Variants in LAMB1 observed in about 807,000 individuals in gnomAD.
LAMB1 encodes the protein laminin subunit beta-1.
In LAMB1, 121 loss-of-function variants were observed where a neutral mutation model predicts 222.3. The ratio of observed to expected loss-of-function variants is 0.54; its 90% confidence interval spans 0.47 to 0.63. The LOEUF is 0.63. LAMB1 is among the 30% of genes least tolerant of loss of function. LAMB1 has a pLI of 0.00. For missense variants in LAMB1, 2,172 were observed against 2,240.8 expected (o/e 0.97, Z 0.62); for synonymous variants, 794 against 807.2 (o/e 0.98, Z 0.28).
chr7:107,926,264 T>A lies in LAMB1; in HGVS notation c.4983A>T (p.Lys1661Asn). The A allele has an allele frequency of 6.2e-7, 1 of 1,614,042 alleles. No individual in the cohort carries two copies. Among genetic ancestry groups the A allele is most frequent in the Non-Finnish European group, 8.5e-7 (1 of 1,179,890 alleles). Residue 1661 changes from lysine (K) to asparagine (N), a missense_variant, in exon 32 of 34, where the codon AAA (lysine) becomes AAT (asparagine). By Grantham distance (94) the Lys-to-Asn change is moderately conservative (BLOSUM62 0). Transcript: ENST00000222399. The part of the protein sequence containing the change: ...LERNVEELKR[K>N]AAQNSGEAEY... ...CTGCCTCCCCGGAGTTTTGGGCAGCTTTCCGCTTAAGTTCTTCCACATTCC... is the reference window on the plus strand; with the variant it reads ...CTGCCTCCCCGGAGTTTTGGGCAGCATTCCGCTTAAGTTCTTCCACATTCC...
At chr7:107,976,394 AGGTAGGTC>A (rs1464588858) in intron 9 of LAMB1, among the ~76,000 whole-genome samples, 1 of 152,192 alleles carries the variant, frequency 6.6e-6, no homozygotes, top group Non-Finnish European at 1.5e-5. Context: ...ATAGTAAGGA[AGGTAGGTC>A]TGTTTAACAG....
chr7:107,977,154 G>A (rs2033883785), intron 9 of LAMB1, among the ~76,000 whole-genome samples: 1 of 149,016 alleles, frequency 6.7e-6, no homozygotes, highest in Non-Finnish European at 1.5e-5. Context: ...TCCATCAAGG[G>A]CCATCTGGTT....
At chr7:107,951,390 C>T in intron 23 of LAMB1, 68 bp from the exon 24 acceptor site, 13 of 1,371,760 alleles carry the variant, frequency 9.5e-6, no homozygotes, top group Admixed American at 1.8e-5. Context: ...TCTTTTTTTT[C>T]TAGCTGCCAC....
chr7:108,001,366 T>C (rs556225106), intron 3 of LAMB1, among the ~76,000 whole-genome samples, 192 bp downstream of exon 3: 15 of 152,228 alleles, frequency 9.9e-5, no homozygotes, highest in Non-Finnish European at 1.5e-4. Context: ...CGGCAGGAAA[T>C]GTGTGGCGGA....
At chr7:107,931,577 A>G (rs1395914581) in intron 28 of LAMB1, 77 bp from the exon 29 acceptor site, 9 of 1,340,038 alleles carry the variant, frequency 6.7e-6, no homozygotes, top group African/African-American at 2.9e-5. Flanking sequence ...AAATGGCTCA[A>G]AAATGATGTT....
intron 24 of LAMB1, among the ~76,000 whole-genome samples, chr7:107,944,112 C>T (rs925309168): frequency 3.3e-5 from 5 of 152,188 alleles, no homozygotes; most frequent in Non-Finnish European, 7.3e-5. Context: ...TTATTTCTTT[C>T]CCATAGATGA....
chr7:107,987,748 T>TGCCTTG (rs1414609760), intron 5 of LAMB1, among the ~76,000 whole-genome samples: 3 of 152,192 alleles, frequency 2.0e-5, no homozygotes, highest in Non-Finnish European at 4.4e-5. Flanking sequence ...GTGATCCACC[T>TGCCTTG]GCCTTGGCCT....
intron 9 of LAMB1, among the ~76,000 whole-genome samples, chr7:107,976,632 G>T (rs1056669274): frequency 5.3e-5 from 8 of 152,068 alleles, no homozygotes; most frequent in African/African-American, 1.9e-4. Context: ...TGCAGAAGAG[G>T]GACTGTGTCT....
intron 22 of LAMB1, among the ~76,000 whole-genome samples, chr7:107,953,002 T>C (rs1185757545): frequency 6.6e-6 from 1 of 152,080 alleles, no homozygotes; most frequent in African/African-American, 2.4e-5. Context: ...CTGTTATCTC[T>C]CCCAGGCACT....
In LAMB1 at chr7:107,955,582, G is replaced by C; in HGVS notation, c.2739C>G (p.His913Gln). 1 of 1,614,096 alleles carries C rather than the reference G, an allele frequency of 6.2e-7. No homozygotes were observed. Among genetic ancestry groups the C allele is most frequent in the Non-Finnish European group, 8.5e-7 (1 of 1,180,022 alleles). ...CATCTGGGCAAGGGCAAGGGCGGCAGTGATCTCCTGACCCAATGATGGGGT... is the reference window on the plus strand; with the variant it reads ...CATCTGGGCAAGGGCAAGGGCGGCACTGATCTCCTGACCCAATGATGGGGT... ...YGDPIIGSGDHCRPCPCPDGP... is the reference protein window; with the variant it reads ...YGDPIIGSGDQCRPCPCPDGP... The change falls in exon 21 of 34, where the codon CAC (histidine) becomes CAG (glutamine). Residue 913 changes from histidine (H) to glutamine (Q), a missense_variant. By Grantham distance (24) the His-to-Gln change is conservative. Coordinates refer to ENST00000222399, the MANE Select transcript of LAMB1 (RefSeq NM_002291.3).
At chr7:107,995,035 T>C (rs2034257970) in intron 4 of LAMB1, 75 bp from the exon 5 acceptor site, 2 of 775,662 alleles carry the variant, frequency 2.6e-6, no homozygotes, top group East Asian at 2.6e-5. Flanking sequence ...TTGAGACTAT[T>C]TTTTAAATTA....
chr7:107,977,974 T>C, intron 9 of LAMB1, 73 bp downstream of exon 9: 1 of 1,559,058 alleles, frequency 6.4e-7, no homozygotes, highest in Non-Finnish European at 8.8e-7. Flanking sequence ...AGTACACTGT[T>C]ACAGTACCTC....
rs750456965 is a variant in LAMB1, at chr7:108,001,729, C to T, written c.42G>A (p.Leu14=). ...CCTGAGCGCGCACTCGGGCTCTGCA[C>T]AGGGCTGCGGGAAGGACAGGCAACA... ...LQLLAFSFLA[L]CRARVRAQEP... is the part of the protein sequence containing the mutation. Residue 14 remains leucine, a synonymous_variant, in exon 3 of 34, where the codon CTG becomes CTA. Transcript: ENST00000222399. 2 of 1,612,324 alleles carry T rather than the reference C, an allele frequency of 1.2e-6. No homozygotes were observed. The highest frequency in any genetic ancestry group is 1.1e-5 in the South Asian group (1 of 90,916).
chr7:107,945,495 C>T (rs2033096129), intron 24 of LAMB1, among the ~76,000 whole-genome samples: 1 of 152,194 alleles, frequency 6.6e-6, no homozygotes, highest in African/African-American at 2.4e-5. Context: ...GACTGTTTCC[C>T]GAGGGCACCT....
chr7:107,995,000 T>G, intron 4 of LAMB1, 40 bp from the exon 5 acceptor site: 1 of 1,108,042 alleles, frequency 9.0e-7, no homozygotes, highest in South Asian at 1.3e-5. Context: ...TAAATGAAAC[T>G]GTAAATAGAA....
intron 4 of LAMB1, among the ~76,000 whole-genome samples, chr7:107,997,990 C>T (rs2034312371): frequency 1.3e-5 from 2 of 152,042 alleles, no homozygotes; most frequent in Admixed American, 1.3e-4. Context: ...TCTGCCCCTT[C>T]CTTTGGGATT....
At chr7:107,950,216 C>T (rs955636709) in intron 24 of LAMB1, among the ~76,000 whole-genome samples, 1 of 150,644 alleles carries the variant, frequency 6.6e-6, no homozygotes, top group African/African-American at 2.4e-5. Context: ...GGTGACAGAG[C>T]GAGACTCCGT....
At chr7:107,964,141 GC>G (rs562359813) in intron 14 of LAMB1, among the ~76,000 whole-genome samples, 2 of 152,166 alleles carry the variant, frequency 1.3e-5, no homozygotes, top group South Asian at 4.1e-4. Flanking sequence ...GGAGAGAAAT[GC>G]CCAGCCAGCC....
At chr7:107,958,063 G>C (rs540529413) in intron 20 of LAMB1, among the ~76,000 whole-genome samples, 7 of 152,206 alleles carry the variant, frequency 4.6e-5, no homozygotes, top group Non-Finnish European at 8.8e-5. Flanking sequence ...GTTTGCTTCT[G>C]TTCCCCCTCC....
Sources: gnomAD v4.1 joint callset for allele counts (sites outside exome capture counted in the v4.1 genomes callset) on GRCh38, gnomAD v4.1.1 for gene constraint, MANE v1.5 for transcripts, NCBI Gene and HGNC (gene_info 2026-07-23, HGNC 2026-07-21) for gene names.